The following OSBPL9 variants were observed in gnomAD, a reference collection of about 807,000 sequenced individuals.
The protein encoded by OSBPL9 is oxysterol-binding protein-related protein 9.
In OSBPL9, 40 loss-of-function variants were observed where a neutral mutation model predicts 106.6. That is an observed-to-expected ratio of 0.38 (90% CI 0.29 to 0.49). The LOEUF is 0.49. Among genes scored for constraint, OSBPL9 ranks in the 20% least tolerant of loss-of-function variants. The pLI is 0.97. For missense variants in OSBPL9, 609 were observed against 887.2 expected (o/e 0.69, Z 3.98); for synonymous variants, 269 against 295.4 (o/e 0.91, Z 0.92).
At chr1:51,679,783 A>G (rs1652104392) in intron 3 of OSBPL9, among the ~76,000 whole-genome samples, 1 of 152,150 alleles carries the variant, frequency 6.6e-6, no homozygotes, top group African/African-American at 2.4e-5. Flanking sequence ...AGTAGCCCTT[A>G]TTTTATTTAA....
At chr1:51,596,560 C>CA (rs1181151999) in intron 1 of OSBPL9, among the ~76,000 whole-genome samples, 863 of 28,174 alleles carry the variant, frequency 0.031, 12 homozygotes, top group Middle Eastern at 0.059. Context: ...ACTCTTGTCG[C>CA]AAAAAAAAAA....
the OSBPL9 span, among the ~76,000 whole-genome samples, chr1:51,526,432 G>A: frequency 6.6e-6 from 1 of 152,144 alleles, no homozygotes; most frequent in Non-Finnish European, 1.5e-5. Flanking sequence ...TGAGAGAAAT[G>A]TTTCTCTCTG....
At chr1:51,730,167 A>G in intron 4 of OSBPL9, 1 of 1,240,560 alleles carries the variant, frequency 8.1e-7, no homozygotes, top group Non-Finnish European at 1.0e-6. Context: ...CTTCCTTGGG[A>G]GTTCTCAGTT....
chr1:51,668,163 A>G (rs1009582177), intron 2 of OSBPL9, among the ~76,000 whole-genome samples: 5 of 152,156 alleles, frequency 3.3e-5, no homozygotes, highest in Non-Finnish European at 7.3e-5. Context: ...GGCTTCTCTT[A>G]TCACCTGAGG....
At chr1:51,645,833 T>C (rs1345899459) in intron 1 of OSBPL9, among the ~76,000 whole-genome samples, 3 of 152,154 alleles carry the variant, frequency 2.0e-5, no homozygotes, top group Admixed American at 6.6e-5. Flanking sequence ...CCAGCTTCAT[T>C]CTTTTACATA....
At chr1:51,775,563 TTC>T (rs1311624074) in intron 14 of OSBPL9, among the ~76,000 whole-genome samples, 1 of 152,208 alleles carries the variant, frequency 6.6e-6, no homozygotes, top group African/African-American at 2.4e-5. Context: ...GCTCTTGTTA[TTC>T]TCTCATACTT....
At chr1:51,636,145 CTCTCT>C (rs1645425120) in intron 1 of OSBPL9, among the ~76,000 whole-genome samples, 1 of 142,874 alleles carries the variant, frequency 7.0e-6, no homozygotes, top group Non-Finnish European at 1.5e-5. Flanking sequence ...CTTCCTCTCT[CTCTCT>C]TGTTTTTTTT....
chr1:51,534,201 C>T, the OSBPL9 span, among the ~76,000 whole-genome samples: 1 of 147,678 alleles, frequency 6.8e-6, no homozygotes, highest in Admixed American at 6.7e-5. Context: ...GAGACTACAT[C>T]TCAAAAAAAA....
intron 4 of OSBPL9, among the ~76,000 whole-genome samples, chr1:51,737,212 G>A (rs1404160357): frequency 6.6e-6 from 1 of 151,990 alleles, no homozygotes; most frequent in Non-Finnish European, 1.5e-5. Flanking sequence ...AGGTGTATCT[G>A]AGCAGCTTTA....
intron 3 of OSBPL9, among the ~76,000 whole-genome samples, chr1:51,677,849 A>G (rs1651647244): frequency 6.6e-6 from 1 of 151,994 alleles, no homozygotes; most frequent in Non-Finnish European, 1.5e-5. Flanking sequence ...GTGCCTGGCT[A>G]CAGAGAACAT....
intron 3 of OSBPL9, among the ~76,000 whole-genome samples, chr1:51,711,259 C>A (rs1412586408): frequency 4.0e-5 from 6 of 151,082 alleles, no homozygotes. Flanking sequence ...GGCAGAGGGG[C>A]TCCTCACTTC....
At chr1:51,724,690 T>G (rs1311625631) in intron 4 of OSBPL9, 1 of 153,030 alleles carries the variant, frequency 6.5e-6, no homozygotes, top group Non-Finnish European at 1.5e-5. Flanking sequence ...CTCTCAGGAT[T>G]TTTTTCTTTA....
Position 51,624,094 on chromosome 1 carries a change from T to G in OSBPL9, c.111+6873T>G, listed in dbSNP as rs562798121. ...ACCAGGCCTGGCTAATTTTTGTATT[T>G]TTAGTAGAGACGAGGTTTCACCATG... On this transcript the variant is annotated intron_variant, in intron 1 of 23. Transcript: ENST00000428468. Among the ~76,000 whole-genome samples the G allele has an allele frequency of 6.2e-3, 944 of 151,956 alleles. 10 individuals are homozygous for G. Among genetic ancestry groups the G allele is most frequent in the African/African-American group, 0.021 (862 of 41,452 alleles).
intron 3 of OSBPL9, among the ~76,000 whole-genome samples, chr1:51,682,212 A>C (rs1652718108): frequency 6.6e-6 from 1 of 152,080 alleles, no homozygotes; most frequent in African/African-American, 2.4e-5. Context: ...TCAAAAAAAA[A>C]ATTACATTAT....
At chr1:51,747,946 C>G (rs577816598) in intron 6 of OSBPL9, among the ~76,000 whole-genome samples, 2 of 152,006 alleles carry the variant, frequency 1.3e-5, no homozygotes, top group Non-Finnish European at 2.9e-5. Context: ...CCTGCCACCA[C>G]GCCCAGCTAA....
chr1:51,624,841 T>C (rs764262911), intron 1 of OSBPL9, among the ~76,000 whole-genome samples: 3 of 152,224 alleles, frequency 2.0e-5, no homozygotes, highest in Non-Finnish European at 4.4e-5. Flanking sequence ...CTCTAGTACA[T>C]TCTTTATCTG....
chr1:51,704,252 A>T (rs1657946181), intron 3 of OSBPL9, among the ~76,000 whole-genome samples: 1 of 152,186 alleles, frequency 6.6e-6, no homozygotes, highest in African/African-American at 2.4e-5. Context: ...TTCGGCTGTG[A>T]ATCCATCTGG....
At chr1:51,557,449 T>C in the OSBPL9 span, among the ~76,000 whole-genome samples, 1 of 152,224 alleles carries the variant, frequency 6.6e-6, no homozygotes. Flanking sequence ...CTAATCTCTC[T>C]GGTCTTTTTA....
chr1:51,687,270 G>A (rs1027991369), intron 3 of OSBPL9, among the ~76,000 whole-genome samples: 3 of 152,144 alleles, frequency 2.0e-5, no homozygotes, highest in Admixed American at 6.6e-5. Context: ...AATGACTGAT[G>A]AGCATAGCAG....
Sources: allele counts gnomAD v4.1 joint callset (sites outside exome capture counted in the v4.1 genomes callset), GRCh38; gene constraint gnomAD v4.1.1; transcripts MANE v1.5; gene names NCBI Gene and HGNC (gene_info 2026-07-23, HGNC 2026-07-21).